ARHGAP15: variants seen among roughly 807,000 people sequenced by gnomAD.
ARHGAP15 encodes the protein Rho GTPase activating protein 15.
A neutral mutation model predicts 63.7 loss-of-function variants in ARHGAP15; 51 were observed. The observed-to-expected ratio is 0.80, with a 90% CI of 0.64 to 1.01. ARHGAP15 has a LOEUF of 1.01. Among genes scored for constraint, ARHGAP15 ranks in the 50% least tolerant of loss-of-function variants. ARHGAP15 has a pLI of 0.00. For missense variants in ARHGAP15, 560 were observed against 564.6 expected (o/e 0.99, Z 0.08); for synonymous variants, 191 against 193.8 (o/e 0.99, Z 0.12).
intron 12 of ARHGAP15, 28 bp downstream of exon 12, chr2:143,624,295 G>T (rs1698755671): frequency 1.3e-6 from 2 of 1,582,356 alleles, no homozygotes; most frequent in Admixed American, 1.8e-5. Context: ...AAGGGCAGGT[G>T]GTAGAATAAC....
chr2:143,540,961 C>T (rs1695020275), intron 10 of ARHGAP15, among the ~76,000 whole-genome samples: 1 of 152,180 alleles, frequency 6.6e-6, no homozygotes, highest in Non-Finnish European at 1.5e-5. Context: ...GGATAATATC[C>T]TGCAGAGTGT....
intron 9 of ARHGAP15, among the ~76,000 whole-genome samples, chr2:143,506,460 A>AATT (rs34058574): frequency 0.26 from 39,775 of 152,002 alleles, 6,040 homozygotes; most frequent in East Asian, 0.71. Context: ...ACTTCAGATT[A>AATT]ATAGTAAGTT....
rs796879427 is a variant in ARHGAP15 at position 143,717,853 on chromosome 2, CT to C, written c.1244+14343del. Among the ~76,000 whole-genome samples the C allele has an allele frequency of 8.0e-3, 1,107 of 138,094 alleles. 1 individual carries two copies. Among genetic ancestry groups the C allele is most frequent in the Non-Finnish European group, 7.0e-3 (440 of 63,182 alleles). The allele number at this position is 138,094 out of a possible 152,430, so 90.6% of individuals were successfully genotyped here. On this transcript the variant is annotated intron_variant, in intron 13 of 13. Coordinates refer to ENST00000295095, the MANE Select transcript of ARHGAP15 (RefSeq NM_018460.4). ...CAGGAAACTGCATTTCTTAAAGTGGCTTTTTTTTTTTTTTACCTGTTAATAT... is the reference window on the plus strand; with the variant it reads ...CAGGAAACTGCATTTCTTAAAGTGGCTTTTTTTTTTTTTACCTGTTAATAT...
intron 12 of ARHGAP15, among the ~76,000 whole-genome samples, chr2:143,662,547 G>A (rs141475834): frequency 0.21 from 28,048 of 132,204 alleles, 3,742 homozygotes; most frequent in Middle Eastern, 0.31. Flanking sequence ...CACCAGCAAC[G>A]GAACAAAGCT....
Position 143,134,191 on chromosome 2 carries a change from AT to A in ARHGAP15, c.-15+4726del, listed in dbSNP as rs1294238721. 3.8e-3 allele frequency among the ~76,000 whole-genome samples: 573 copies of A among 150,158 alleles called. 2 individuals are homozygous for A. Among genetic ancestry groups the A allele is most frequent in the African/African-American group, 0.013 (526 of 41,148 alleles). On this transcript the variant is annotated intron_variant, in intron 1 of 13. Transcript: ENST00000295095. ...TCATCTATCTATCTATCATCTATCTATCTACCTATCTATCTATCACACATTT... is the reference window on the plus strand; with the variant it reads ...TCATCTATCTATCTATCATCTATCTACTACCTATCTATCTATCACACATTT...
intron 12 of ARHGAP15, 130 bp downstream of exon 12, chr2:143,624,397 G>A (rs1016568004): frequency 5.5e-6 from 6 of 1,098,698 alleles, no homozygotes; most frequent in African/African-American, 3.2e-5. Context: ...CATATCTTAC[G>A]TTTTCGTTTT....
chr2:143,642,217 C>T (rs1233622326), intron 12 of ARHGAP15, among the ~76,000 whole-genome samples: 2 of 151,588 alleles, frequency 1.3e-5, no homozygotes, highest in Admixed American at 1.3e-4. Context: ...TTTTTGTTTT[C>T]CTGTGTTCTG....
At chr2:143,153,779 C>CTTT (rs1689935088) in intron 1 of ARHGAP15, among the ~76,000 whole-genome samples, 1 of 24,678 alleles carries the variant, frequency 4.1e-5, no homozygotes, top group African/African-American at 1.8e-4. Context: ...TATAATAAAT[C>CTTT]TTCTTCTTCT....
intron 8 of ARHGAP15, among the ~76,000 whole-genome samples, chr2:143,464,581 A>G (rs1691113714): frequency 1.3e-5 from 2 of 152,206 alleles, no homozygotes; most frequent in South Asian, 4.1e-4. Flanking sequence ...ATTACTAAAT[A>G]TAAATGACAG....
At chr2:143,429,366 G>A (rs1212610391) in intron 6 of ARHGAP15, among the ~76,000 whole-genome samples, 3 of 152,002 alleles carry the variant, frequency 2.0e-5, no homozygotes, top group Non-Finnish European at 2.9e-5. Flanking sequence ...TCTGTTGTAC[G>A]AATGCATGGA....
intron 11 of ARHGAP15, among the ~76,000 whole-genome samples, chr2:143,615,724 G>C (rs1421725590): frequency 1.3e-5 from 2 of 152,144 alleles, no homozygotes; most frequent in African/African-American, 4.8e-5. Context: ...GGGAACAATA[G>C]CAATGGTGTT....
chr2:143,541,428 G>A (rs528565433), intron 10 of ARHGAP15, among the ~76,000 whole-genome samples: 11 of 152,280 alleles, frequency 7.2e-5, no homozygotes, highest in East Asian at 1.9e-4. Context: ...GAGGAGCTGC[G>A]TTCCTTTGGA....
intron 8 of ARHGAP15, among the ~76,000 whole-genome samples, chr2:143,460,389 T>C (rs906093361): frequency 1.3e-5 from 2 of 152,216 alleles, no homozygotes; most frequent in Non-Finnish European, 2.9e-5. Flanking sequence ...CTAGTTTTAT[T>C]CATTTCATTT....
intron 11 of ARHGAP15, among the ~76,000 whole-genome samples, chr2:143,575,753 G>C (rs1696656460): frequency 1.3e-5 from 2 of 152,114 alleles, no homozygotes; most frequent in South Asian, 4.1e-4. Flanking sequence ...GGAAATGTTA[G>C]CCTGAATCCA....
chr2:143,195,985 A>G (rs1017519146), intron 2 of ARHGAP15, among the ~76,000 whole-genome samples: 2 of 152,158 alleles, frequency 1.3e-5, no homozygotes, highest in African/African-American at 4.8e-5. Flanking sequence ...GATAAAAATG[A>G]AAAAGGGATG....
Position 143,482,122 on chromosome 2 carries a change from T to C in ARHGAP15, c.704-5251T>C, listed in dbSNP as rs1692105229. Among the ~76,000 whole-genome samples the C allele has an allele frequency of 1.3e-5, 2 of 152,188 alleles. 1 individual carries two copies. Among genetic ancestry groups the C allele is most frequent in the South Asian group, 4.1e-4 (2 of 4,836 alleles). ...CTAGTACATTTCAGGTTAAGGTTAA[T>C]GTTTATGGAGGTAAAAATACCTAGG... On this transcript the variant is annotated intron_variant, in intron 8 of 13. Transcript: ENST00000295095.
chr2:143,254,192 C>T (rs1480445130), intron 6 of ARHGAP15, among the ~76,000 whole-genome samples: 1 of 152,040 alleles, frequency 6.6e-6, no homozygotes, highest in Admixed American at 6.6e-5. Context: ...AAAAGGATTA[C>T]AACATAATCT....
chr2:143,173,476 A>G (rs1690881639), intron 2 of ARHGAP15, among the ~76,000 whole-genome samples: 1 of 152,124 alleles, frequency 6.6e-6, no homozygotes. Context: ...TCATTGCAAC[A>G]TCAGAAAGGA....
At chr2:143,397,295 CAAT>C (rs1227152177) in intron 6 of ARHGAP15, among the ~76,000 whole-genome samples, 20 of 148,864 alleles carry the variant, frequency 1.3e-4, no homozygotes, top group Admixed American at 8.1e-4. Flanking sequence ...CAAATATGGA[CAAT>C]AATAATATGA....
Sources: gnomAD v4.1 joint callset for allele counts (sites outside exome capture counted in the v4.1 genomes callset) on GRCh38, gnomAD v4.1.1 for gene constraint, MANE v1.5 for transcripts, NCBI Gene and HGNC (gene_info 2026-07-23, HGNC 2026-07-21) for gene names.